The following SPATA6 variants were observed in gnomAD, a reference collection of about 807,000 sequenced individuals.
SPATA6 encodes spermatogenesis associated 6, also known as spermatogenesis-associated protein 6.
SPATA6 carries 56 observed loss-of-function variants against 65.3 expected under a neutral mutation model. The ratio of observed to expected loss-of-function variants is 0.86; its 90% confidence interval spans 0.69 to 1.07. The LOEUF (loss-of-function observed/expected upper bound fraction) is 1.07. Among genes scored for constraint, SPATA6 ranks in the 50% least tolerant of loss-of-function variants. The pLI is 0.00. For synonymous variants in SPATA6, 199 were observed against 213.2 expected, an observed-to-expected ratio of 0.93 and a Z score of 0.58; for missense variants, 590 against 594.8, an observed-to-expected ratio of 0.99 and a Z score of 0.08.
At chr1:48,459,188 C>T (rs1657232319) in intron 1 of SPATA6, among the ~76,000 whole-genome samples, 1 of 126,882 alleles carries the variant, frequency 7.9e-6, no homozygotes, top group Admixed American at 9.4e-5. Flanking sequence ...CTAGGCAACA[C>T]TGCGAGACTC....
At chr1:48,278,146 A>G in the SPATA6 span, among the ~76,000 whole-genome samples, 1 of 152,210 alleles carries the variant, frequency 6.6e-6, no homozygotes, top group Non-Finnish European at 1.5e-5. Context: ...GAAAACTAAC[A>G]AACAGAAAGG....
At chr1:48,272,121 AC>A in the SPATA6 span, among the ~76,000 whole-genome samples, 1 of 152,190 alleles carries the variant, frequency 6.6e-6, no homozygotes, top group Admixed American at 6.5e-5. Context: ...ATATGTATAC[AC>A]TATAAAATGA....
At chr1:48,323,174 G>A (rs1282101080) in intron 11 of SPATA6, among the ~76,000 whole-genome samples, 1 of 152,118 alleles carries the variant, frequency 6.6e-6, no homozygotes, top group Admixed American at 6.5e-5. Flanking sequence ...CAACCCAAAT[G>A]CCCATCAATG....
At chr1:48,274,545 A>G in the SPATA6 span, among the ~76,000 whole-genome samples, 1 of 152,170 alleles carries the variant, frequency 6.6e-6, no homozygotes, top group Admixed American at 6.5e-5. Flanking sequence ...GTCCAGTTTC[A>G]GTTTTCTGCA....
intron 9 of SPATA6, among the ~76,000 whole-genome samples, chr1:48,382,367 G>C (rs1648756969): frequency 9.1e-6 from 1 of 110,450 alleles, no homozygotes; most frequent in African/African-American, 3.7e-5. Flanking sequence ...GGACGGGGCG[G>C]CTGGCCAGGC....
At chr1:48,391,801 A>C (rs1650098963) in intron 8 of SPATA6, among the ~76,000 whole-genome samples, 1 of 152,190 alleles carries the variant, frequency 6.6e-6, no homozygotes. Flanking sequence ...TAAAAAAGTT[A>C]TACCAGAGAG....
intron 11 of SPATA6, chr1:48,325,557 G>A (rs959636439): frequency 9.0e-7 from 1 of 1,117,272 alleles, no homozygotes; most frequent in Non-Finnish European, 1.4e-6. Context: ...CTTTGGTCTT[G>A]GAATGTTAGA....
At chr1:48,456,495 T>C (rs556094562) in intron 1 of SPATA6, among the ~76,000 whole-genome samples, 1 of 150,614 alleles carries the variant, frequency 6.6e-6, no homozygotes, top group Non-Finnish European at 1.5e-5. Flanking sequence ...AGCCTATACA[T>C]GGGGGAAAAA....
chr1:48,355,313 A>C (rs530831110), intron 11 of SPATA6: 4 of 161,620 alleles, frequency 2.5e-5, no homozygotes, highest in Admixed American at 1.9e-4. Context: ...ATTTAGGATT[A>C]AATCTATTTG....
intron 11 of SPATA6, among the ~76,000 whole-genome samples, chr1:48,315,605 A>G (rs1336595029): frequency 1.3e-5 from 2 of 152,198 alleles, no homozygotes; most frequent in Non-Finnish European, 2.9e-5. Context: ...CAAAAACTGG[A>G]AGCATTCCCT....
chr1:48,384,357 AGGGAGAGGGAGAGGGAGAGGGAGAGG>A (rs1649200977), intron 9 of SPATA6, among the ~76,000 whole-genome samples: 1 of 964 alleles, frequency 1.0e-3, no homozygotes, highest in African/African-American at 3.0e-3. Flanking sequence ...GGACAGGGAG[AGGGAGAGGGAGAGGGAGAGGGAGAGG>A]GAGAGGGAGA....
At chr1:48,357,067 A>G (rs1212353332) in intron 10 of SPATA6, among the ~76,000 whole-genome samples, 2 of 152,134 alleles carry the variant, frequency 1.3e-5, no homozygotes, top group Non-Finnish European at 2.9e-5. Flanking sequence ...CAATGATACT[A>G]TTAGAGGATC....
intron 9 of SPATA6, among the ~76,000 whole-genome samples, chr1:48,371,422 A>G (rs1647276343): frequency 6.6e-6 from 1 of 152,216 alleles, no homozygotes; most frequent in Admixed American, 6.5e-5. Flanking sequence ...TATAATATTT[A>G]TATGTGTGGA....
rs1451135093 is a variant in SPATA6 at position 48,383,345 on chromosome 1, C to T, written c.909+1964G>A. Among the ~76,000 whole-genome samples the T allele has an allele frequency of 5.1e-5, 3 of 58,770 alleles. 1 individual carries two copies. Among genetic ancestry groups the T allele is most frequent in the Admixed American group, 1.6e-4 (1 of 6,276 alleles). The allele number at this position is 58,770 out of a possible 152,430, so 38.6% of individuals were successfully genotyped here. ...CTCCCTCCCGGACGGGGCGGCTGGC[C>T]GACCGCCCCCCCGCCACCTCCCTCC... is the stretch of plus-strand genomic sequence containing the variant. On this transcript the variant is annotated intron_variant, in intron 9 of 12. Transcript: ENST00000371847.
At position 48,445,577 on chromosome 1, in the gene SPATA6, G is replaced by A. The variant is rs190494532; in HGVS notation, c.238+5975C>T. ...CGGGAGGCTGAGGCAGGAGAATGGC[G>A]TGAACCCAGGAGGCGGAGCTTGCAG... On this transcript the variant is annotated intron_variant, in intron 3 of 12. Transcript: ENST00000371847. Among the ~76,000 whole-genome samples the A allele has an allele frequency of 5.3e-3, 784 of 146,704 alleles. 17 individuals are homozygous for A. The highest frequency in any genetic ancestry group is 0.05 in the South Asian group (234 of 4,654).
chr1:48,266,432 G>A, the SPATA6 span, among the ~76,000 whole-genome samples: 1 of 152,212 alleles, frequency 6.6e-6, no homozygotes, highest in South Asian at 2.1e-4. Context: ...TTTCTTGTTT[G>A]TAAAAAATGT....
chr1:48,391,960 C>A (rs558000385), intron 8 of SPATA6, among the ~76,000 whole-genome samples: 2 of 151,944 alleles, frequency 1.3e-5, no homozygotes, highest in African/African-American at 4.8e-5. Flanking sequence ...CTTCTTTAAA[C>A]CTCAGGTTTC....
intron 12 of SPATA6, among the ~76,000 whole-genome samples, chr1:48,303,705 T>A (rs1644993620): frequency 6.6e-6 from 1 of 152,230 alleles, no homozygotes; most frequent in Admixed American, 6.5e-5. Flanking sequence ...TTATTGTGAA[T>A]AATGCTACAA....
chr1:48,419,807 A>G (rs1047954252), intron 3 of SPATA6, among the ~76,000 whole-genome samples: 2 of 152,230 alleles, frequency 1.3e-5, no homozygotes, highest in Admixed American at 1.3e-4. Flanking sequence ...TATGTTTACA[A>G]TATCAATGAT....
Sources: allele counts gnomAD v4.1 joint callset (sites outside exome capture counted in the v4.1 genomes callset), GRCh38; gene constraint gnomAD v4.1.1; transcripts MANE v1.5; gene names NCBI Gene and HGNC (gene_info 2026-07-23, HGNC 2026-07-21).